FSHR: variants seen among roughly 807,000 people sequenced by gnomAD.
The protein encoded by FSHR is follicle stimulating hormone receptor.
FSHR carries 46 observed loss-of-function variants against 52.1 expected under a neutral mutation model. That is an observed-to-expected ratio of 0.88 (90% CI 0.70 to 1.13). The LOEUF is 1.13. Among genes scored for constraint, FSHR ranks in the 50% most tolerant of loss-of-function variants. FSHR has a pLI of 0.00. For missense variants in FSHR, 964 were observed against 834.6 expected (o/e 1.16, Z -1.91); for synonymous variants, 399 against 309.6 (o/e 1.29, Z -3.03).
chr2:49,078,074 C>A (rs556821034), intron 1 of FSHR, among the ~76,000 whole-genome samples: 12 of 152,292 alleles, frequency 7.9e-5, no homozygotes, highest in African/African-American at 2.9e-4. Context: ...TCTACTGGTA[C>A]AAATTTACTG....
chr2:49,065,902 T>G (rs963823413), intron 2 of FSHR, among the ~76,000 whole-genome samples: 1 of 151,904 alleles, frequency 6.6e-6, no homozygotes, highest in Non-Finnish European at 1.5e-5. Flanking sequence ...AGAAGTTAAG[T>G]GGGGAAAGGG....
intron 1 of FSHR, among the ~76,000 whole-genome samples, chr2:49,085,712 C>G (rs1191009933): frequency 6.6e-6 from 1 of 152,078 alleles, no homozygotes; most frequent in Non-Finnish European, 1.5e-5. Context: ...TTGGAACCAA[C>G]CCAAATGTCC....
At chr2:49,069,518 C>T (rs1195329672) in intron 1 of FSHR, among the ~76,000 whole-genome samples, 8 of 152,006 alleles carry the variant, frequency 5.3e-5, no homozygotes. Context: ...ATTTGTGTAT[C>T]CATTTGTTTG....
chr2:49,111,719 CTATTA>C (rs1161194691), intron 1 of FSHR, among the ~76,000 whole-genome samples: 2 of 152,128 alleles, frequency 1.3e-5, no homozygotes, highest in Non-Finnish European at 2.9e-5. Flanking sequence ...CAGCAAGTGT[CTATTA>C]TGAGTTTTCA....
intron 1 of FSHR, among the ~76,000 whole-genome samples, chr2:49,148,074 A>T (rs1672933204): frequency 6.6e-6 from 1 of 151,932 alleles, no homozygotes. Flanking sequence ...ATTGGCAAAA[A>T]TTATATTTTT....
At chr2:49,047,833 C>A (rs776372383) in intron 2 of FSHR, among the ~76,000 whole-genome samples, 2 of 152,150 alleles carry the variant, frequency 1.3e-5, no homozygotes, top group Non-Finnish European at 2.9e-5. Flanking sequence ...ATTGTACTAT[C>A]ATTTCACAAA....
At chr2:49,054,299 C>G (rs1474849024) in intron 2 of FSHR, among the ~76,000 whole-genome samples, 2 of 152,272 alleles carry the variant, frequency 1.3e-5, no homozygotes, top group South Asian at 2.1e-4. Context: ...TAAGAAATAG[C>G]CCACAGGTTG....
At chr2:49,073,764 C>T (rs952834171) in intron 1 of FSHR, among the ~76,000 whole-genome samples, 3 of 152,004 alleles carry the variant, frequency 2.0e-5, no homozygotes, top group Non-Finnish European at 4.4e-5. Flanking sequence ...AAATTATATG[C>T]ATCACATTCT....
At chr2:48,985,992 C>A (rs1675494113) in intron 6 of FSHR, among the ~76,000 whole-genome samples, 1 of 152,152 alleles carries the variant, frequency 6.6e-6, no homozygotes, top group Non-Finnish European at 1.5e-5. Context: ...GGATTACAGG[C>A]GTGAGCCACC....
chr2:48,985,666 T>G (rs867463787), intron 6 of FSHR, among the ~76,000 whole-genome samples: 1 of 151,750 alleles, frequency 6.6e-6, no homozygotes, highest in Non-Finnish European at 1.5e-5. Flanking sequence ...AGAATTTTTT[T>G]CAACTTTCAG....
intron 5 of FSHR, among the ~76,000 whole-genome samples, 170 bp from the exon 6 acceptor site, chr2:48,989,224 A>C (rs541902177): frequency 6.7e-6 from 1 of 150,300 alleles, no homozygotes; most frequent in East Asian, 2.0e-4. Flanking sequence ...AATTGTCTCT[A>C]ATTTATCTTT....
At chr2:49,009,314 C>T (rs370672715) in intron 4 of FSHR, among the ~76,000 whole-genome samples, 5 of 151,596 alleles carry the variant, frequency 3.3e-5, no homozygotes, top group East Asian at 1.9e-4. Context: ...TTTTCTCAGG[C>T]TTGTCAAAGA....
At chr2:49,136,545 C>G (rs1163404903) in intron 1 of FSHR, among the ~76,000 whole-genome samples, 4 of 151,954 alleles carry the variant, frequency 2.6e-5, no homozygotes, top group African/African-American at 9.7e-5. Flanking sequence ...CAAAAGCAGA[C>G]AAAACATCAC....
chr2:48,964,622 C>T (rs1046474729), intron 9 of FSHR, among the ~76,000 whole-genome samples: 2 of 152,138 alleles, frequency 1.3e-5, no homozygotes, highest in African/African-American at 2.4e-5. Context: ...GTAAGCCTGG[C>T]TCTCTCATAT....
chr2:49,063,987 A>T (rs1470420978), intron 2 of FSHR, among the ~76,000 whole-genome samples: 1 of 152,094 alleles, frequency 6.6e-6, no homozygotes, highest in Non-Finnish European at 1.5e-5. Context: ...ATGCACAATT[A>T]TGTGTCAATT....
Position 48,983,089 on chromosome 2 carries a change from G to A in FSHR, c.593+9C>T, listed in dbSNP as rs1675326146. 7 of 1,613,362 alleles carry A rather than the reference G, an allele frequency of 4.3e-6. No individual in the cohort carries two copies. The highest frequency in any genetic ancestry group is 1.7e-5 in the Admixed American group (1 of 59,996). On this transcript the variant is annotated intron_variant, in intron 7 of 9. Transcript: ENST00000406846. ...TAAATGGCCTTGAAGAATAGTCAGG[G>A]CTACTTACAGCTCATCTAGTTGGGT...
intron 2 of FSHR, among the ~76,000 whole-genome samples, chr2:49,061,668 T>C (rs1669298956): frequency 7.0e-6 from 1 of 143,052 alleles, no homozygotes; most frequent in Non-Finnish European, 1.5e-5. Context: ...ACTATATATT[T>C]ATAACTATAT....
At chr2:49,108,032 T>A (rs1049670578) in intron 1 of FSHR, among the ~76,000 whole-genome samples, 11 of 152,162 alleles carry the variant, frequency 7.2e-5, no homozygotes, top group African/African-American at 2.7e-4. Context: ...AAGACTAACA[T>A]TGGACTCAGT....
intron 2 of FSHR, among the ~76,000 whole-genome samples, chr2:49,035,535 C>T (rs575300547): frequency 7.2e-5 from 11 of 152,326 alleles, no homozygotes; most frequent in African/African-American, 2.6e-4. Context: ...CCACTCCACT[C>T]CAGCTTCCCT....
Sources: allele counts gnomAD v4.1 joint callset (sites outside exome capture counted in the v4.1 genomes callset), GRCh38; gene constraint gnomAD v4.1.1; transcripts MANE v1.5; gene names NCBI Gene and HGNC (gene_info 2026-07-23, HGNC 2026-07-21).